Variants in TPMT observed in about 807,000 individuals in gnomAD.
TPMT encodes S-adenosyl-L-methionine:thiopurine S-methyltransferase.
TPMT carries 18 observed loss-of-function variants against 34.2 expected under a neutral mutation model. The observed-to-expected ratio is 0.53, with a 90% CI of 0.36 to 0.78. The LOEUF (loss-of-function observed/expected upper bound fraction) is 0.78, where lower values mean the gene tolerates loss of function less well. Among genes scored for constraint, TPMT ranks in the 30% least tolerant of loss-of-function variants. TPMT has a pLI of 0.00. For synonymous variants in TPMT, 69 were observed against 92.4 expected (o/e 0.75, Z 1.45); for missense variants, 265 against 288.1 (o/e 0.92, Z 0.58).
rs1352178111 is a variant in TPMT at position 18,149,983 on chromosome 6, C to A, written c.-44-812G>T. 2.6e-5 allele frequency among the ~76,000 whole-genome samples: 4 copies of A among 152,072 alleles called. No individual in the cohort carries two copies. The highest frequency in any genetic ancestry group is 9.7e-5 in the African/African-American group (4 of 41,426). ...CCCCAGCACACCAAATATTGGACAC[C>A]AGTTGGGTATCTTCTGATTTAATTC... On this transcript the variant is annotated intron_variant, in intron 1 of 8. Coordinates refer to ENST00000309983, the MANE Select transcript of TPMT (RefSeq NM_000367.5). The surrounding 1 kb of genome is among the most constrained non-coding windows in gnomAD (Gnocchi z 5.0).
At position 18,138,813 on chromosome 6, in the gene TPMT, AAGCT is replaced by A. The variant is rs1381595594; in HGVS notation, c.494+146_494+149del. The stretch of plus-strand genomic sequence containing the variant: ...AGTCAAATCCTATACTTTTTAGACA[AAGCT>A]AGTATTGGATTTAGGTTTTTATAAA... On this transcript the variant is annotated intron_variant, in intron 6 of 8. Transcript: ENST00000309983. The surrounding 1 kb of genome is among the most constrained non-coding windows in gnomAD (Gnocchi z 4.1). 1 of 683,872 alleles carries A rather than the reference AAGCT, an allele frequency of 1.5e-6. No homozygotes were observed. The highest frequency in any genetic ancestry group is 2.7e-5 in the East Asian group (1 of 36,766). 42.4% of individuals were successfully genotyped at this position (683,872 alleles called of 1,614,324 possible).
In TPMT at chr6:18,144,215, C is replaced by T. The variant is rs77128064; in HGVS notation, c.234-487G>A. On this transcript the variant is annotated intron_variant, in intron 3 of 8. Transcript: ENST00000309983. ...TTTATTTAGTTTACATTTAAATAGCCACATGTGGCTAGTAGCTACTGTACT... is the reference window on the plus strand; with the variant it reads ...TTTATTTAGTTTACATTTAAATAGCTACATGTGGCTAGTAGCTACTGTACT... Among the ~76,000 whole-genome samples, 1,221 of 152,246 alleles carry T rather than the reference C, an allele frequency of 8.0e-3. 17 individuals carry two copies. Among genetic ancestry groups the T allele is most frequent in the African/African-American group, 0.027 (1,130 of 41,550 alleles).
chr6:18,138,828 T>A lies in TPMT; in HGVS notation c.494+135A>T. ...TTTTTAGACAAAGCTAGTATTGGATTTAGGTTTTTATAAATTCCAAACATA... is the reference window on the plus strand; with the variant it reads ...TTTTTAGACAAAGCTAGTATTGGATATAGGTTTTTATAAATTCCAAACATA... On this transcript the variant is annotated intron_variant, in intron 6 of 8. Transcript: ENST00000309983. This position sits in a 1 kb window ranked among gnomAD's most constrained non-coding sequence, Gnocchi z 4.1. 1.3e-6 allele frequency: 1 copy of A among 750,424 alleles called. No homozygotes were observed. The highest frequency in any genetic ancestry group is 2.7e-5 in the Admixed American group (1 of 36,494). The allele number at this position is 750,424 out of a possible 1,614,324, so 46.5% of individuals were successfully genotyped here.
Position 18,132,117 on chromosome 6 carries a change from A to T in TPMT, c.625+16T>A. On this transcript the variant is annotated intron_variant, in intron 8 of 8. Transcript: ENST00000309983. The surrounding 1 kb of genome is among the most constrained non-coding windows in gnomAD (Gnocchi z 4.8). ...GACTTTGTTTAAAAAGTTACAGCAT[A>T]AGTCCACAAACTTACCAAACAACCT... The T allele has an allele frequency of 6.2e-7, 1 of 1,613,884 alleles. No homozygotes were observed. Among genetic ancestry groups the T allele is most frequent in the Non-Finnish European group, 8.5e-7 (1 of 1,179,794 alleles).
chr6:18,136,549 C>T lies in TPMT; in HGVS notation c.494+2414G>A, dbSNP rs1287261558. 6.6e-6 allele frequency among the ~76,000 whole-genome samples: 1 copy of T among 152,216 alleles called. No homozygotes were observed. The highest frequency in any genetic ancestry group is 1.5e-5 in the Non-Finnish European group (1 of 68,034). ...TTTCAGCCAGGCGTGGTGGCTTACA[C>T]CTCTAATCCCAGCACCGGGTGGCCG... is the stretch of plus-strand genomic sequence containing the variant. On this transcript the variant is annotated intron_variant, in intron 6 of 8. Coordinates refer to ENST00000309983, the MANE Select transcript of TPMT (RefSeq NM_000367.5). The surrounding 1 kb of genome is among the most constrained non-coding windows in gnomAD (Gnocchi z 4.7).
rs546011261 is a variant in TPMT at position 18,136,616 on chromosome 6, T to A, written c.494+2347A>T. Among the ~76,000 whole-genome samples, 135 of 152,308 alleles carry A rather than the reference T, an allele frequency of 8.9e-4. No homozygotes were observed. The highest frequency in any genetic ancestry group is 1.1e-3 in the Non-Finnish European group (72 of 68,026). On this transcript the variant is annotated intron_variant, in intron 6 of 8. Coordinates refer to ENST00000309983, the MANE Select transcript of TPMT (RefSeq NM_000367.5). The surrounding 1 kb of genome is among the most constrained non-coding windows in gnomAD (Gnocchi z 4.7). ...TGGGGTCCGGAGTTCGAGACCAGCCTGACCAACATGGAGAAACCCCGTCTC... is the reference window on the plus strand; with the variant it reads ...TGGGGTCCGGAGTTCGAGACCAGCCAGACCAACATGGAGAAACCCCGTCTC...
chr6:18,154,258 AGAATTAAG>A lies in TPMT; in HGVS notation c.-45+767_-45+774del, dbSNP rs1784426960. Among the ~76,000 whole-genome samples, 1 of 152,154 alleles carries A rather than the reference AGAATTAAG, an allele frequency of 6.6e-6. No individual in the cohort carries two copies. The highest frequency in any genetic ancestry group is 1.5e-5 in the Non-Finnish European group (1 of 68,032). ...TAATACAAAAAAAGTGCACATTACA[AGAATTAAG>A]GAAGGGAAATTTCACAAAAATTTCT... On this transcript the variant is annotated intron_variant, in intron 1 of 8. Coordinates refer to ENST00000309983, the MANE Select transcript of TPMT (RefSeq NM_000367.5). This position sits in a 1 kb window ranked among gnomAD's most constrained non-coding sequence, Gnocchi z 4.2.
rs571909050 is a variant in TPMT, at chr6:18,148,003, C to T, written c.141-88G>A. ...TTATCTCACTTAATATTCCCAACAA[C>T]CTTAATAAGCAGTTACTATTAATTA... On this transcript the variant is annotated intron_variant, in intron 2 of 8. Transcript: ENST00000309983. This position sits in a 1 kb window ranked among gnomAD's most constrained non-coding sequence, Gnocchi z 4.1. 2.2e-5 allele frequency: 23 copies of T among 1,022,486 alleles called. No individual in the cohort carries two copies. The highest frequency in any genetic ancestry group is 1.2e-4 in the East Asian group (5 of 41,694). 63.3% of individuals were successfully genotyped at this position (1,022,486 alleles called of 1,614,324 possible).
rs1311450499 is a variant in TPMT, at chr6:18,148,095, A to T, written c.141-180T>A. Among the ~76,000 whole-genome samples the T allele has an allele frequency of 1.3e-5, 2 of 152,220 alleles. No homozygotes were observed. Among genetic ancestry groups the T allele is most frequent in the Non-Finnish European group, 2.9e-5 (2 of 68,032 alleles). On this transcript the variant is annotated intron_variant, in intron 2 of 8. Coordinates refer to ENST00000309983, the MANE Select transcript of TPMT (RefSeq NM_000367.5). This position sits in a 1 kb window ranked among gnomAD's most constrained non-coding sequence, Gnocchi z 4.1. ...TCAGACACACACCCAGTCAGTGGTAAATCTGACTTACACCCAGGGCTTTCC... is the reference window on the plus strand; with the variant it reads ...TCAGACACACACCCAGTCAGTGGTATATCTGACTTACACCCAGGGCTTTCC...
intron 4 of TPMT, among the ~76,000 whole-genome samples, chr6:18,142,084 T>C (rs1463972439): frequency 1.3e-5 from 2 of 152,100 alleles, no homozygotes; most frequent in African/African-American, 4.8e-5. Flanking sequence ...CCTATGTAAA[T>C]CAGACACTGA....
At chr6:18,134,696 G>A (rs1211995200) in intron 6 of TPMT, among the ~76,000 whole-genome samples, 1 of 152,196 alleles carries the variant, frequency 6.6e-6, no homozygotes, top group Non-Finnish European at 1.5e-5. Flanking sequence ...GACCAAAGAG[G>A]AATTGCTAAT....
At chr6:18,142,919 T>C (rs1784171022) in intron 4 of TPMT, among the ~76,000 whole-genome samples, 2 of 152,068 alleles carry the variant, frequency 1.3e-5, no homozygotes, top group African/African-American at 4.8e-5. Context: ...CCCATCACTC[T>C]CCTTGCTCAG....
rs1784227503 is a variant in TPMT at position 18,145,247 on chromosome 6, T to TA, written c.234-1520dup. ...TTTAAAAACTTGGTCAGTGCCACAT[T>TA]AAAAAACAAAAACAGGAACCTAATA... On this transcript the variant is annotated intron_variant, in intron 3 of 8. Transcript: ENST00000309983. This position sits in a 1 kb window ranked among gnomAD's most constrained non-coding sequence, Gnocchi z 5.6. 6.6e-6 allele frequency among the ~76,000 whole-genome samples: 1 copy of TA among 152,076 alleles called. No homozygotes were observed. The highest frequency in any genetic ancestry group is 6.6e-5 in the Admixed American group (1 of 15,264).
Position 18,139,529 on chromosome 6 carries a change from A to G in TPMT, c.419+136T>C, listed in dbSNP as rs1784102714. 1 of 762,384 alleles carries G rather than the reference A, an allele frequency of 1.3e-6. No homozygotes were observed. Among genetic ancestry groups the G allele is most frequent in the Non-Finnish European group, 2.3e-6 (1 of 433,338 alleles). The allele number at this position is 762,384 out of a possible 1,614,324, so 47.2% of individuals were successfully genotyped here. A position where few individuals can be genotyped will look rare whatever the true frequency, so the allele number is the denominator to read the frequency against. On this transcript the variant is annotated intron_variant, in intron 5 of 8. Transcript: ENST00000309983. This position sits in a 1 kb window ranked among gnomAD's most constrained non-coding sequence, Gnocchi z 4.2. ...ACGAGTGTGTAATAAAAATATCTGC[A>G]GAACAGACATTCAAAAAAATGCTTT...
In TPMT at chr6:18,132,314, G is replaced by T; in HGVS notation, c.581-137C>A. On this transcript the variant is annotated intron_variant, in intron 7 of 8. Coordinates refer to ENST00000309983, the MANE Select transcript of TPMT (RefSeq NM_000367.5). This position sits in a 1 kb window ranked among gnomAD's most constrained non-coding sequence, Gnocchi z 4.8. ...CTTCTTTTGCAAATCTCATACTAAA[G>T]AAATAAATTGACTTACTGAGAGGAT... 1 of 823,570 alleles carries T rather than the reference G, an allele frequency of 1.2e-6. No homozygotes were observed. Among genetic ancestry groups the T allele is most frequent in the Non-Finnish European group, 2.0e-6 (1 of 500,294 alleles). 51.0% of individuals were successfully genotyped at this position (823,570 alleles called of 1,614,324 possible). A position where few individuals can be genotyped will look rare whatever the true frequency, so the allele number is the denominator to read the frequency against.
chr6:18,131,704 C>A lies in TPMT; in HGVS notation c.625+429G>T, dbSNP rs1030213038. Among the ~76,000 whole-genome samples the A allele has an allele frequency of 6.6e-6, 1 of 152,028 alleles. No homozygotes were observed. Among genetic ancestry groups the A allele is most frequent in the African/African-American group, 2.4e-5 (1 of 41,396 alleles). On this transcript the variant is annotated intron_variant, in intron 8 of 8. Coordinates refer to ENST00000309983, the MANE Select transcript of TPMT (RefSeq NM_000367.5). This position sits in a 1 kb window ranked among gnomAD's most constrained non-coding sequence, Gnocchi z 4.3. ...GATTAGTTCCTTTTCTAAGATAAAA[C>A]AACTTTCAATAAAATGGTCTTTATC...
rs1045706286 is a variant in TPMT, at chr6:18,145,061, T to C, written c.234-1333A>G. ...GGATCTTGGACTCAAGAGAAAACAG[T>C]ACCAGTGGTACAAATATCTAGGCAC... On this transcript the variant is annotated intron_variant, in intron 3 of 8. Transcript: ENST00000309983. This position sits in a 1 kb window ranked among gnomAD's most constrained non-coding sequence, Gnocchi z 5.6. 2.6e-5 allele frequency among the ~76,000 whole-genome samples: 4 copies of C among 152,180 alleles called. No individual in the cohort carries two copies. Among genetic ancestry groups the C allele is most frequent in the African/African-American group, 9.6e-5 (4 of 41,452 alleles).
chr6:18,136,842 A>AT lies in TPMT; in HGVS notation c.494+2120dup, dbSNP rs897941320. Among the ~76,000 whole-genome samples the AT allele has an allele frequency of 7.2e-5, 11 of 151,858 alleles. No homozygotes were observed. Among genetic ancestry groups the AT allele is most frequent in the South Asian group, 6.2e-4 (3 of 4,808 alleles). On this transcript the variant is annotated intron_variant, in intron 6 of 8. Transcript: ENST00000309983. This position sits in a 1 kb window ranked among gnomAD's most constrained non-coding sequence, Gnocchi z 4.7. The stretch of plus-strand genomic sequence containing the variant: ...AAAGATTTGATTTTTCTCTCATAAA[A>AT]TTTTTTTTTCTTTCTGGTAGGACAA...
rs914128998 is a variant in TPMT at position 18,130,038 on chromosome 6, C to G, written c.*630G>C. On this transcript the variant is annotated 3_prime_UTR_variant, in exon 9 of 9. Transcript: ENST00000309983. This position sits in a 1 kb window ranked among gnomAD's most constrained non-coding sequence, Gnocchi z 4.2. Reference sequence around the variant, plus strand: ...GTGGCTCACGCCTGTAATCCCAGCACTTTGGGAGGCCGAGGTGGGTAGATC... The same window carrying G: ...GTGGCTCACGCCTGTAATCCCAGCAGTTTGGGAGGCCGAGGTGGGTAGATC... 6.5e-6 allele frequency: 1 copy of G among 152,688 alleles called. No individual in the cohort carries two copies. Among genetic ancestry groups the G allele is most frequent in the African/African-American group, 2.4e-5 (1 of 41,418 alleles). The allele number at this position is 152,688 out of a possible 1,614,324, so 9.5% of individuals were successfully genotyped here. A position where few individuals can be genotyped will look rare whatever the true frequency, so the allele number is the denominator to read the frequency against.
Sources: gnomAD v4.1 joint callset for allele counts (sites outside exome capture counted in the v4.1 genomes callset) on GRCh38, gnomAD v4.1.1 for gene constraint, Gnocchi (gnomAD v3.1) non-coding constraint, MANE v1.5 for transcripts, NCBI Gene and HGNC (gene_info 2026-07-23, HGNC 2026-07-21) for gene names.